KANSL1L: variants seen among roughly 807,000 people sequenced by gnomAD.
KANSL1L encodes the protein KAT8 regulatory NSL complex subunit 1-like protein.
KANSL1L carries 25 observed loss-of-function variants against 108.6 expected under a neutral mutation model. The observed-to-expected ratio is 0.23, with a 90% CI of 0.17 to 0.32. The LOEUF (loss-of-function observed/expected upper bound fraction) is 0.32, where lower values mean the gene tolerates loss of function less well. KANSL1L is among the 10% of genes least tolerant of loss of function. The probability of loss-of-function intolerance (pLI) is 1.00; values close to 1 mark genes in which losing one functional copy is unlikely to be tolerated. For missense variants in KANSL1L, 1,137 were observed against 1,125.7 expected (o/e 1.01, Z -0.14); for synonymous variants, 405 against 395.1 (o/e 1.03, Z -0.30).
chr2:210,098,174 T>G lies in KANSL1L; in HGVS notation c.1462A>C (p.Ile488Leu). Reference sequence around the variant, plus strand: ...GTTGGGGACAAGTTGAGAGGGGCAATCAAACTGTTGATGATCTCAGTCAAC... The same window carrying G: ...GTTGGGGACAAGTTGAGAGGGGCAAGCAAACTGTTGATGATCTCAGTCAAC... ...AQLTEIINSLIAPLNLSPTSS... is the reference protein window; with the variant it reads ...AQLTEIINSLLAPLNLSPTSS... Residue 488 changes from isoleucine (I) to leucine (L), a missense_variant, in exon 5 of 15, where the codon ATT becomes CTT. Ile to Leu is a conservative substitution (Grantham distance 5, BLOSUM62 2). This residue lies in a region of KANSL1L where 575 missense variants were observed against 567.1 expected (regional missense o/e 1.01). Coordinates refer to ENST00000281772, the MANE Select transcript of KANSL1L (RefSeq NM_152519.4). The G allele has an allele frequency of 6.2e-7, 1 of 1,612,466 alleles. No individual in the cohort carries two copies. The highest frequency in any genetic ancestry group is 8.5e-7 in the Non-Finnish European group (1 of 1,179,186).
At chr2:210,135,639 G>A (rs1462336195) in intron 2 of KANSL1L, among the ~76,000 whole-genome samples, 1 of 152,136 alleles carries the variant, frequency 6.6e-6, no homozygotes, top group East Asian at 1.9e-4. Flanking sequence ...AACAATGCAG[G>A]CAAGGGCAGC....
At chr2:210,059,715 G>A (rs1421428410) in intron 6 of KANSL1L, among the ~76,000 whole-genome samples, 1 of 151,992 alleles carries the variant, frequency 6.6e-6, no homozygotes, top group Admixed American at 6.6e-5. Flanking sequence ...TGCTCCAGTA[G>A]GTGTGGCATG....
chr2:210,094,540 G>C (rs143269905), intron 5 of KANSL1L, among the ~76,000 whole-genome samples: 3 of 152,084 alleles, frequency 2.0e-5, no homozygotes, highest in African/African-American at 7.2e-5. Flanking sequence ...GTGTCAAAAG[G>C]CTCATAGAGA....
chr2:210,033,964 C>T (rs957215661), intron 8 of KANSL1L, among the ~76,000 whole-genome samples: 1 of 152,088 alleles, frequency 6.6e-6, no homozygotes, highest in Non-Finnish European at 1.5e-5. Context: ...GACAATTCTA[C>T]ACATCCTCTT....
At chr2:210,135,367 T>C (rs555779978) in intron 2 of KANSL1L, among the ~76,000 whole-genome samples, 1 of 152,300 alleles carries the variant, frequency 6.6e-6, no homozygotes, top group Non-Finnish European at 1.5e-5. Context: ...AATAGACTTC[T>C]TGTTTTCCCC....
intron 1 of KANSL1L, among the ~76,000 whole-genome samples, chr2:210,161,094 T>C (rs2095359124): frequency 6.6e-6 from 1 of 151,470 alleles, no homozygotes; most frequent in African/African-American, 2.4e-5. Context: ...GTTGAAGTGA[T>C]TCTCCCGCCT....
intron 2 of KANSL1L, among the ~76,000 whole-genome samples, chr2:210,145,810 GTTC>G (rs1481734195): frequency 6.6e-6 from 1 of 152,184 alleles, no homozygotes; most frequent in Non-Finnish European, 1.5e-5. Context: ...AGCCATGATG[GTTC>G]TTGTGTTTGA....
intron 1 of KANSL1L, among the ~76,000 whole-genome samples, 167 bp downstream of exon 1, chr2:210,170,982 G>A (rs1688304756): frequency 6.6e-6 from 1 of 150,720 alleles, no homozygotes. Context: ...ATCCCGTGCC[G>A]AGACCAGAGT....
At chr2:210,155,082 T>C (rs1448650995) in intron 1 of KANSL1L, 1 of 152,112 alleles carries the variant, frequency 6.6e-6, no homozygotes, top group Non-Finnish European at 1.5e-5. Context: ...ACGGTATTAA[T>C]AACAAGAACT....
At chr2:210,030,387 CTT>C (rs564432813) in intron 9 of KANSL1L, among the ~76,000 whole-genome samples, 1 of 151,474 alleles carries the variant, frequency 6.6e-6, no homozygotes, top group Non-Finnish European at 1.5e-5. Flanking sequence ...CTCTGGTACT[CTT>C]TTTTTAAAAC....
At chr2:210,054,239 G>A (rs772247669) in intron 6 of KANSL1L, among the ~76,000 whole-genome samples, 44 of 151,202 alleles carry the variant, frequency 2.9e-4, no homozygotes, top group African/African-American at 8.3e-4. Context: ...AGAGAATGGC[G>A]TGAACTCAGG....
At chr2:210,150,730 C>T (rs557813362) in intron 2 of KANSL1L, among the ~76,000 whole-genome samples, 7 of 149,604 alleles carry the variant, frequency 4.7e-5, no homozygotes, top group Admixed American at 1.3e-4. Flanking sequence ...TGCAGTGAGC[C>T]GAGATCGTGC....
chr2:210,164,003 A>G (rs2095374130), intron 1 of KANSL1L, among the ~76,000 whole-genome samples: 1 of 152,148 alleles, frequency 6.6e-6, no homozygotes, highest in Non-Finnish European at 1.5e-5. Flanking sequence ...AGGCAAAAAA[A>G]TTAGGAAACA....
Position 210,044,511 on chromosome 2 carries a change from A to T in KANSL1L, c.1756-407T>A, listed in dbSNP as rs1575407119. On this transcript the variant is annotated intron_variant, in intron 6 of 14. Transcript: ENST00000281772. This position sits in a 1 kb window ranked among gnomAD's most constrained non-coding sequence, Gnocchi z 4.2. ...TAATGAATAAAAATGATCAAAGGAGACATATGTGTTTTGTTCCTGATTGTA... is the reference window on the plus strand; with the variant it reads ...TAATGAATAAAAATGATCAAAGGAGTCATATGTGTTTTGTTCCTGATTGTA... 6.6e-6 allele frequency among the ~76,000 whole-genome samples: 1 copy of T among 151,820 alleles called. No homozygotes were observed. Among genetic ancestry groups the T allele is most frequent in the South Asian group, 2.1e-4 (1 of 4,810 alleles).
chr2:210,076,157 T>C (rs2094540668), intron 5 of KANSL1L, among the ~76,000 whole-genome samples: 1 of 152,100 alleles, frequency 6.6e-6, no homozygotes, highest in Non-Finnish European at 1.5e-5. Context: ...CATCACTCCA[T>C]TATTAGTTTC....
At chr2:210,140,423 A>G (rs2095217345) in intron 2 of KANSL1L, among the ~76,000 whole-genome samples, 1 of 152,156 alleles carries the variant, frequency 6.6e-6, no homozygotes, top group Admixed American at 6.5e-5. Context: ...TCCCTTCCTC[A>G]TTGTGTGCCC....
intron 1 of KANSL1L, among the ~76,000 whole-genome samples, chr2:210,163,006 A>G (rs2095369877): frequency 6.6e-6 from 1 of 152,122 alleles, no homozygotes. Flanking sequence ...TGAAAGACAG[A>G]CCTTATCACT....
At chr2:210,057,852 T>A (rs1489850102) in intron 6 of KANSL1L, among the ~76,000 whole-genome samples, 2 of 152,222 alleles carry the variant, frequency 1.3e-5, no homozygotes, top group Non-Finnish European at 2.9e-5. Context: ...TGCTTGTCTT[T>A]ACTTTAATCT....
chr2:210,125,083 G>A (rs1390324577), intron 3 of KANSL1L, among the ~76,000 whole-genome samples: 4 of 151,918 alleles, frequency 2.6e-5, no homozygotes, highest in African/African-American at 9.7e-5. Flanking sequence ...GTGAAATCCC[G>A]TCTCTACTAA....
Sources: gnomAD v4.1 joint callset for allele counts (sites outside exome capture counted in the v4.1 genomes callset) on GRCh38, gnomAD v4.1.1 for gene constraint, gnomAD v4.1.1 regional missense constraint, Gnocchi (gnomAD v3.1) non-coding constraint, MANE v1.5 for transcripts, NCBI Gene and HGNC (gene_info 2026-07-23, HGNC 2026-07-21) for gene names.